Variants in BRINP2 observed in about 807,000 individuals in gnomAD.
BRINP2 encodes BMP/retinoic acid-inducible neural-specific protein 2.
BRINP2 carries 21 observed loss-of-function variants against 69.2 expected under a neutral mutation model. The ratio of observed to expected loss-of-function variants is 0.30; its 90% CI spans 0.22 to 0.44. BRINP2 has a LOEUF of 0.44. Ranked by LOEUF, BRINP2 falls within the 20% of genes least tolerant of loss-of-function variation. The pLI is 1.00. For synonymous variants in BRINP2, 380 were observed against 394.1 expected (o/e 0.96, Z 0.42); for missense variants, 877 against 986.0 (o/e 0.89, Z 1.48).
chr1:177,240,130 T>C (rs190358538), intron 2 of BRINP2, among the ~76,000 whole-genome samples: 18 of 152,334 alleles, frequency 1.2e-4, no homozygotes, highest in Admixed American at 1.1e-3. Context: ...TCATTTTCTC[T>C]GTCTCCCAGG....
chr1:177,183,303 G>C (rs968836730), intron 1 of BRINP2, among the ~76,000 whole-genome samples: 1 of 150,674 alleles, frequency 6.6e-6, no homozygotes, highest in Non-Finnish European at 1.5e-5. Flanking sequence ...TGTGATATAT[G>C]GTTCATGTGA....
chr1:177,227,238 C>T (rs974256063), intron 1 of BRINP2, among the ~76,000 whole-genome samples: 1 of 152,206 alleles, frequency 6.6e-6, no homozygotes, highest in Admixed American at 6.5e-5. Flanking sequence ...TCTTCCCACC[C>T]GCATCCACGC....
intron 1 of BRINP2, among the ~76,000 whole-genome samples, chr1:177,200,420 G>A (rs2102303058): frequency 6.7e-6 from 1 of 148,804 alleles, no homozygotes; most frequent in African/African-American, 2.5e-5. Context: ...AAAATCTCAA[G>A]TCCTTACAGA....
chr1:177,275,044 A>G (rs1651450072), intron 5 of BRINP2: 1 of 448,958 alleles, frequency 2.2e-6, no homozygotes, highest in East Asian at 7.0e-5. Context: ...AGCTCACCAT[A>G]TCCAGAAGTT....
At chr1:177,256,196 T>C (rs960023377) in intron 3 of BRINP2, 87 bp downstream of exon 3, 15 of 1,489,224 alleles carry the variant, frequency 1.0e-5, no homozygotes, top group Non-Finnish European at 3.6e-6. Context: ...CCAACAGTCT[T>C]ATCTTCTTCC....
intron 2 of BRINP2, among the ~76,000 whole-genome samples, chr1:177,246,796 T>A (rs914136448): frequency 5.3e-5 from 8 of 152,224 alleles, no homozygotes; most frequent in African/African-American, 1.9e-4. Context: ...ATCGTTTCGT[T>A]TTATAGCTCA....
intron 1 of BRINP2, among the ~76,000 whole-genome samples, chr1:177,212,701 C>T: frequency 6.6e-6 from 1 of 152,170 alleles, no homozygotes; most frequent in East Asian, 1.9e-4. Context: ...GAAGTCTGCA[C>T]ATGTTACAAT....
intron 1 of BRINP2, among the ~76,000 whole-genome samples, chr1:177,214,325 C>T (rs886566996): frequency 6.6e-6 from 1 of 151,884 alleles, no homozygotes; most frequent in Non-Finnish European, 1.5e-5. Flanking sequence ...CCCAGCTACT[C>T]GGGAGGCCAA....
chr1:177,222,554 C>T (rs941237431), intron 1 of BRINP2, among the ~76,000 whole-genome samples: 2 of 152,154 alleles, frequency 1.3e-5, no homozygotes, highest in Non-Finnish European at 2.9e-5. Flanking sequence ...TCAGGTGATC[C>T]ACCCACCTCA....
At chr1:177,179,375 AG>A (rs1648180751) in intron 1 of BRINP2, among the ~76,000 whole-genome samples, 1 of 152,194 alleles carries the variant, frequency 6.6e-6, no homozygotes, top group African/African-American at 2.4e-5. Context: ...CCAAGACACT[AG>A]CTGCTGTGAT....
chr1:177,223,045 T>C (rs6660903), intron 1 of BRINP2, among the ~76,000 whole-genome samples: 104,138 of 152,100 alleles, frequency 0.68, 35,861 homozygotes, highest in Non-Finnish European at 0.73. Flanking sequence ...TATTTGCTAG[T>C]GATCCCCCTG....
intron 4 of BRINP2, among the ~76,000 whole-genome samples, chr1:177,267,276 C>T (rs1651159170): frequency 6.6e-6 from 1 of 152,184 alleles, no homozygotes; most frequent in Non-Finnish European, 1.5e-5. Flanking sequence ...TATGGTCATA[C>T]TCCCAGGTTA....
chr1:177,171,470 TGGC>T lies in BRINP2; in HGVS notation c.-326_-324del, dbSNP rs973000687. ...GGTCTAACGTTGGCGGCGGTGGCGGTGGCGGCGGCGGCGGCACCGACAGTAAAG... is the reference window on the plus strand; with the variant it reads ...GGTCTAACGTTGGCGGCGGTGGCGGTGGCGGCGGCGGCACCGACAGTAAAG... On this transcript the variant is annotated 5_prime_UTR_variant, in exon 1 of 8. Coordinates refer to ENST00000361539, the MANE Select transcript of BRINP2 (RefSeq NM_021165.4). 2.6e-4 allele frequency: 42 copies of T among 162,478 alleles called. No individual in the cohort carries two copies. Among genetic ancestry groups the T allele is most frequent in the Non-Finnish European group, 4.2e-4 (32 of 75,692 alleles). 10.1% of individuals were successfully genotyped at this position (162,478 alleles called of 1,614,324 possible).
chr1:177,215,970 T>A (rs1222725366), intron 1 of BRINP2, among the ~76,000 whole-genome samples: 5 of 152,056 alleles, frequency 3.3e-5, no homozygotes, highest in Non-Finnish European at 5.9e-5. Flanking sequence ...AAGAATATCT[T>A]TTTTTTATTC....
chr1:177,208,464 C>G (rs1185077063), intron 1 of BRINP2, among the ~76,000 whole-genome samples: 3 of 152,190 alleles, frequency 2.0e-5, no homozygotes, highest in South Asian at 2.1e-4. Context: ...TTTCCCCACT[C>G]TCCTTATCCC....
At chr1:177,224,048 C>A (rs555767094) in intron 1 of BRINP2, among the ~76,000 whole-genome samples, 1 of 152,320 alleles carries the variant, frequency 6.6e-6, no homozygotes, top group Non-Finnish European at 1.5e-5. Context: ...AGCCACAGAT[C>A]TGAGCTGATA....
intron 2 of BRINP2, among the ~76,000 whole-genome samples, chr1:177,235,151 C>T (rs1348806287): frequency 6.6e-6 from 1 of 152,156 alleles, no homozygotes; most frequent in Non-Finnish European, 1.5e-5. Context: ...ATTAAAAATC[C>T]AGAACGTCAG....
chr1:177,256,191 A>G, intron 3 of BRINP2, 82 bp downstream of exon 3: 1 of 1,497,892 alleles, frequency 6.7e-7, no homozygotes. Context: ...TAGCTCCAAC[A>G]GTCTTATCTT....
At chr1:177,221,367 A>G (rs1649527816) in intron 1 of BRINP2, among the ~76,000 whole-genome samples, 1 of 152,202 alleles carries the variant, frequency 6.6e-6, no homozygotes. Context: ...TGAAAATTTT[A>G]CCATTGACAC....
Sources: gnomAD v4.1 joint callset for allele counts (sites outside exome capture counted in the v4.1 genomes callset) on GRCh38, gnomAD v4.1.1 for gene constraint, MANE v1.5 for transcripts, NCBI Gene and HGNC (gene_info 2026-07-23, HGNC 2026-07-21) for gene names.